Variants in GREM2 observed in about 807,000 individuals in gnomAD.
The protein encoded by GREM2 is gremlin-2.
A neutral mutation model predicts 14.2 loss-of-function variants in GREM2; 11 were observed. The ratio of observed to expected loss-of-function variants is 0.78; its 90% CI spans 0.49 to 1.28. GREM2 has a LOEUF of 1.28. Among genes scored for constraint, GREM2 ranks in the 50% most tolerant of loss-of-function variants. The probability of loss-of-function intolerance (pLI) is 0.00; values close to 1 mark genes in which losing one functional copy is unlikely to be tolerated. For missense variants in GREM2, 210 were observed against 218.5 expected (o/e 0.96, Z 0.24); for synonymous variants, 98 against 97.6 (o/e 1.00, Z -0.02).
intron 1 of GREM2, among the ~76,000 whole-genome samples, chr1:240,505,760 G>C (rs1677663135): frequency 1.3e-5 from 2 of 150,252 alleles, no homozygotes; most frequent in African/African-American, 4.9e-5. Context: ...AAAAAAAAAA[G>C]AATGATATGG....
At position 240,493,203 on chromosome 1, in the gene GREM2, G is replaced by C; in HGVS notation, c.273C>G (p.Thr91=). 4 of 1,614,156 alleles carry C rather than the reference G, an allele frequency of 2.5e-6. No homozygotes were observed. The highest frequency in any genetic ancestry group is 2.5e-6 in the Non-Finnish European group (3 of 1,180,020). ...TVSEEGCRSR[T]ILNRFCYGQC... ...GGCCGTAGCAGAAGCGGTTGAGGAT[G>C]GTGCGGCTCCGGCAGCCCTCCTCGC... The change falls in exon 2 of 2, where the codon ACC becomes ACG. Residue 91 remains threonine, a synonymous_variant. Coordinates refer to ENST00000318160, the MANE Select transcript of GREM2 (RefSeq NM_022469.4).
intron 1 of GREM2, among the ~76,000 whole-genome samples, chr1:240,522,401 A>G (rs1348002186): frequency 6.6e-6 from 1 of 152,124 alleles, no homozygotes; most frequent in African/African-American, 2.4e-5. Context: ...AACAGTGGTA[A>G]TTAAGACAGA....
At chr1:240,575,810 C>T (rs765798575) in intron 1 of GREM2, among the ~76,000 whole-genome samples, 4 of 151,496 alleles carry the variant, frequency 2.6e-5, no homozygotes, top group Non-Finnish European at 4.4e-5. Context: ...CGTGAGCCAC[C>T]GTGCCCAGCA....
intron 1 of GREM2, among the ~76,000 whole-genome samples, chr1:240,599,053 G>A (rs1019654392): frequency 2.6e-5 from 4 of 152,014 alleles, no homozygotes; most frequent in Non-Finnish European, 5.9e-5. Flanking sequence ...CAGATGACTC[G>A]AGGTCAGGAG....
At chr1:240,503,140 T>C (rs551844128) in intron 1 of GREM2, among the ~76,000 whole-genome samples, 2 of 152,342 alleles carry the variant, frequency 1.3e-5, no homozygotes, top group South Asian at 2.1e-4. Context: ...TTCTTGATTA[T>C]GTTATTAAGC....
Position 240,491,111 on chromosome 1 carries a change from A to G in GREM2, c.*1858T>C, listed in dbSNP as rs1185573931. 2.0e-5 allele frequency: 3 copies of G among 152,346 alleles called. No homozygotes were observed. Among genetic ancestry groups the G allele is most frequent in the African/African-American group, 7.2e-5 (3 of 41,562 alleles). 9.4% of individuals were successfully genotyped at this position (152,346 alleles called of 1,614,324 possible). On this transcript the variant is annotated 3_prime_UTR_variant, in exon 2 of 2. Transcript: ENST00000318160. The stretch of plus-strand genomic sequence containing the variant: ...CCTCTGCCACAGCACATTCTTGCTC[A>G]GGTCTCATGGTGTTGCAGAAATGAC...
intron 1 of GREM2, among the ~76,000 whole-genome samples, chr1:240,570,001 A>G (rs1679230263): frequency 2.0e-5 from 3 of 152,134 alleles, no homozygotes; most frequent in Admixed American, 6.5e-5. Flanking sequence ...TGGCAGTTAC[A>G]TTGATGTCCA....
chr1:240,530,452 T>C (rs536082381), intron 1 of GREM2: 1 of 152,328 alleles, frequency 6.6e-6, no homozygotes, highest in Admixed American at 6.5e-5. Context: ...CCAGATACTT[T>C]CTACACACCT....
At chr1:240,558,163 G>C (rs543009058) in intron 1 of GREM2, among the ~76,000 whole-genome samples, 1 of 152,092 alleles carries the variant, frequency 6.6e-6, no homozygotes, top group Non-Finnish European at 1.5e-5. Context: ...CATCTTCCAC[G>C]TGGGGAGTGA....
chr1:240,544,871 G>A (rs1222564526), intron 1 of GREM2, among the ~76,000 whole-genome samples: 2 of 152,146 alleles, frequency 1.3e-5, no homozygotes, highest in African/African-American at 4.8e-5. Context: ...CCTCTAGTCT[G>A]TGAAAAGTTA....
At chr1:240,511,163 T>C (rs1410709660) in intron 1 of GREM2, among the ~76,000 whole-genome samples, 1 of 152,194 alleles carries the variant, frequency 6.6e-6, no homozygotes, top group Non-Finnish European at 1.5e-5. Context: ...AGAAGTAGCA[T>C]TAGTTTCTCA....
At chr1:240,559,261 G>A (rs1678999562) in intron 1 of GREM2, among the ~76,000 whole-genome samples, 1 of 150,898 alleles carries the variant, frequency 6.6e-6, no homozygotes, top group Non-Finnish European at 1.5e-5. Context: ...CAGATGTACA[G>A]TATGTTGACA....
intron 1 of GREM2, among the ~76,000 whole-genome samples, chr1:240,607,042 T>C (rs570775946): frequency 6.6e-6 from 1 of 152,350 alleles, no homozygotes; most frequent in East Asian, 1.9e-4. Context: ...GTCTTAGTAA[T>C]GTCATCTGTA....
rs1159631574 is a variant in GREM2 at position 240,491,326 on chromosome 1, C to T, written c.*1643G>A. 1 of 152,604 alleles carries T rather than the reference C, an allele frequency of 6.6e-6. No individual in the cohort carries two copies. Among genetic ancestry groups the T allele is most frequent in the African/African-American group, 2.4e-5 (1 of 41,434 alleles). 9.5% of individuals were successfully genotyped at this position (152,604 alleles called of 1,614,324 possible). On this transcript the variant is annotated 3_prime_UTR_variant, in exon 2 of 2. Transcript: ENST00000318160. The stretch of plus-strand genomic sequence containing the variant: ...AGTGGCCCCTCACAGGAGCACTTAC[C>T]AGGGAATCATCAGTGAAAGGTTTTC...
At chr1:240,587,502 A>G (rs564924074) in intron 1 of GREM2, among the ~76,000 whole-genome samples, 1 of 151,838 alleles carries the variant, frequency 6.6e-6, no homozygotes, top group South Asian at 2.1e-4. Flanking sequence ...TTGTATTTTT[A>G]GTAGAGACAG....
intron 1 of GREM2, among the ~76,000 whole-genome samples, chr1:240,526,383 C>T (rs1371896559): frequency 2.6e-5 from 4 of 152,178 alleles, no homozygotes; most frequent in Non-Finnish European, 5.9e-5. Flanking sequence ...AAACAGCACA[C>T]AAGCTTAACA....
intron 1 of GREM2, among the ~76,000 whole-genome samples, chr1:240,534,946 G>A (rs1340975458): frequency 6.6e-6 from 1 of 152,112 alleles, no homozygotes; most frequent in Non-Finnish European, 1.5e-5. Context: ...ACAGCAGGAC[G>A]AGTGGGTCTG....
intron 1 of GREM2, among the ~76,000 whole-genome samples, chr1:240,547,532 T>TATATAGACAGACAG (rs1187770486): frequency 1.6e-5 from 2 of 121,874 alleles, no homozygotes; most frequent in African/African-American, 7.4e-5. Flanking sequence ...TATATATATA[T>TATATAGACAGACAG]ATAGATAGAT....
In GREM2 at chr1:240,492,359, A is replaced by G; in HGVS notation, c.*610T>C. The stretch of plus-strand genomic sequence containing the variant: ...CCCGGGAAGCCCACTTCGGGATCCA[A>G]GTGGCTCAAGTTGTCTTCTTGGTAT... On this transcript the variant is annotated 3_prime_UTR_variant, in exon 2 of 2. Transcript: ENST00000318160. The G allele has an allele frequency of 3.4e-6, 1 of 295,850 alleles. No homozygotes were observed. The allele number at this position is 295,850 out of a possible 1,614,324, so 18.3% of individuals were successfully genotyped here.
Sources: gnomAD v4.1 joint callset for allele counts (sites outside exome capture counted in the v4.1 genomes callset) on GRCh38, gnomAD v4.1.1 for gene constraint, MANE v1.5 for transcripts, NCBI Gene and HGNC (gene_info 2026-07-23, HGNC 2026-07-21) for gene names.